PRDM16: variants seen among roughly 807,000 people sequenced by gnomAD.
PRDM16 encodes histone-lysine N-methyltransferase PRDM16.
In PRDM16, 23 loss-of-function variants were observed where a neutral mutation model predicts 110.6. The observed-to-expected ratio is 0.21, with a 90% CI of 0.15 to 0.29. PRDM16 has a LOEUF of 0.29. Among genes scored for constraint, PRDM16 ranks in the 10% least tolerant of loss-of-function variants. The pLI, the probability that PRDM16 is intolerant of heterozygous loss-of-function variation, is 1.00. For missense variants in PRDM16, 1,615 were observed against 1,794.3 expected, an observed-to-expected ratio of 0.90 and a Z score of 1.81; for synonymous variants, 799 against 781.8, an observed-to-expected ratio of 1.02 and a Z score of -0.37.
rs945338464 is a variant in PRDM16 at position 3,088,251 on chromosome 1, G to A, written c.37+18955G>A. Among the ~76,000 whole-genome samples the A allele has an allele frequency of 1.7e-4, 26 of 152,034 alleles. 1 individual carries two copies. The highest frequency in any genetic ancestry group is 6.8e-3 in the Middle Eastern group (2 of 294). ...GCAGTTGCATTCAATCAGGGAGCTG[G>A]GGACCGGAGTCACTGGGCACAGTCT... On this transcript the variant is annotated intron_variant, in intron 1 of 16. Transcript: ENST00000270722.
At chr1:3,292,790 A>C (rs1286756739) in intron 3 of PRDM16, among the ~76,000 whole-genome samples, 2 of 152,240 alleles carry the variant, frequency 1.3e-5, no homozygotes, top group African/African-American at 4.8e-5. Flanking sequence ...CCACCAGCAC[A>C]TCGGTGGGGG....
In PRDM16 at chr1:3,175,526, A is replaced by T. The variant is rs1405313214; in HGVS notation, c.38-10599A>T. On this transcript the variant is annotated intron_variant, in intron 1 of 16. Coordinates refer to ENST00000270722, the MANE Select transcript of PRDM16 (RefSeq NM_022114.4). The surrounding 1 kb of genome is among the most constrained non-coding windows in gnomAD (Gnocchi z 4.8). ...CTCATAGGCACCCAGTTGGGGGAAC[A>T]TTCTCCAGGTCTCTGACCCACTACA... 6.6e-6 allele frequency among the ~76,000 whole-genome samples: 1 copy of T among 152,042 alleles called. No homozygotes were observed. Among genetic ancestry groups the T allele is most frequent in the Non-Finnish European group, 1.5e-5 (1 of 68,000 alleles).
intron 12 of PRDM16, among the ~76,000 whole-genome samples, chr1:3,422,827 G>T (rs1638476853): frequency 6.6e-6 from 1 of 152,256 alleles, no homozygotes; most frequent in Non-Finnish European, 1.5e-5. Flanking sequence ...GCCAGTCCAA[G>T]CCAGGGCGCT....
At chr1:3,277,777 G>GCA (rs1557576457) in intron 3 of PRDM16, among the ~76,000 whole-genome samples, 1 of 97,012 alleles carries the variant, frequency 1.0e-5, no homozygotes, top group African/African-American at 9.3e-5. Context: ...GCACACACAC[G>GCA]CACACATATG....
chr1:3,148,178 C>T lies in PRDM16; in HGVS notation c.38-37947C>T, dbSNP rs1557484246. On this transcript the variant is annotated intron_variant, in intron 1 of 16. Transcript: ENST00000270722. The surrounding 1 kb of genome is among the most constrained non-coding windows in gnomAD (Gnocchi z 5.0). ...GGCTGGGCTGAGAGGTGGGAAGGAG[C>T]CCCCGGATGAGTGAAGAAGCTGGGT... Among the ~76,000 whole-genome samples, 1 of 151,898 alleles carries T rather than the reference C, an allele frequency of 6.6e-6. No homozygotes were observed. The highest frequency in any genetic ancestry group is 1.5e-5 in the Non-Finnish European group (1 of 67,958).
At chr1:3,161,991 G>C (rs1643901711) in intron 1 of PRDM16, among the ~76,000 whole-genome samples, 1 of 152,216 alleles carries the variant, frequency 6.6e-6, no homozygotes, top group Admixed American at 6.5e-5. Context: ...CGTCGCCAGG[G>C]TGGCTCGGCC....
intron 3 of PRDM16, among the ~76,000 whole-genome samples, chr1:3,352,915 G>A (rs1642522428): frequency 6.6e-6 from 1 of 152,192 alleles, no homozygotes; most frequent in Non-Finnish European, 1.5e-5. Flanking sequence ...GTCCCACGTC[G>A]GGGAGGGGGC....
At position 3,415,865 on chromosome 1, in the gene PRDM16, C is replaced by T. The variant is rs545491037; in HGVS notation, c.2691+1218C>T. On this transcript the variant is annotated intron_variant, in intron 10 of 16. Coordinates refer to ENST00000270722, the MANE Select transcript of PRDM16 (RefSeq NM_022114.4). ...TGGGCTGTCACTTGGGCAGAAGGCGCCAGTTACTAAAGACCTCGACAAAGC... is the reference window on the plus strand; with the variant it reads ...TGGGCTGTCACTTGGGCAGAAGGCGTCAGTTACTAAAGACCTCGACAAAGC... 2.0e-5 allele frequency among the ~76,000 whole-genome samples: 3 copies of T among 152,350 alleles called. No individual in the cohort carries two copies. The South Asian group carries it at 6.2e-4, about 32-fold the overall frequency.
At chr1:3,431,473 C>T in intron 15 of PRDM16, among the ~76,000 whole-genome samples, 1 of 152,240 alleles carries the variant, frequency 6.6e-6, no homozygotes, top group Admixed American at 6.5e-5. Context: ...GGCCAAGCAC[C>T]CACCATTCTG....
At position 3,402,958 on chromosome 1, in the gene PRDM16, G is replaced by C. The variant is rs187351394; in HGVS notation, c.844G>C (p.Glu282Gln). 2 of 1,612,388 alleles carry C rather than the reference G, an allele frequency of 1.2e-6. No homozygotes were observed. Among genetic ancestry groups the C allele is most frequent in the Non-Finnish European group, 1.7e-6 (2 of 1,179,894 alleles). ...TGGCGGTGGCAGCGGCCAAGCCCAC[G>C]AGTGCAAGGACTGCGAGCGGATGTT... Reference protein sequence around the residue: ...GLGGGSGQAHECKDCERMFPN... With the variant: ...GLGGGSGQAHQCKDCERMFPN... The change falls in exon 6 of 17, where the codon GAG becomes CAG. Residue 282 changes from glutamate to glutamine, a missense_variant. Transcript: ENST00000270722.
intron 4 of PRDM16, 68 bp from the exon 5 acceptor site, chr1:3,396,423 T>C (rs1411328718): frequency 8.2e-6 from 7 of 853,440 alleles, no homozygotes; most frequent in Non-Finnish European, 1.2e-5. Flanking sequence ...GGGCTGAGTG[T>C]GCACTGAGAG....
At chr1:3,087,992 T>G (rs1423000354) in intron 1 of PRDM16, among the ~76,000 whole-genome samples, 1 of 151,876 alleles carries the variant, frequency 6.6e-6, no homozygotes, top group Non-Finnish European at 1.5e-5. Flanking sequence ...TGGTGCCGCC[T>G]TCTTCTTGCC....
In PRDM16 at chr1:3,221,151, G is replaced by A. The variant is rs146843051; in HGVS notation, c.388-22936G>A. On this transcript the variant is annotated intron_variant, in intron 2 of 16. Transcript: ENST00000270722. ...GCCTTGGGACGTGTGCAACCTCACC[G>A]TGTGCAACTCAGCCTCAGCATTCGG... Among the ~76,000 whole-genome samples, 809 of 152,302 alleles carry A rather than the reference G, an allele frequency of 5.3e-3. 8 individuals are homozygous for A. Among genetic ancestry groups the A allele is most frequent in the African/African-American group, 0.018 (763 of 41,556 alleles).
intron 2 of PRDM16, among the ~76,000 whole-genome samples, chr1:3,225,908 C>T (rs1237909574): frequency 6.6e-6 from 1 of 152,232 alleles, no homozygotes; most frequent in Non-Finnish European, 1.5e-5. Flanking sequence ...AATGCAAGGC[C>T]ATCTTCTTTA....
At chr1:3,181,357 C>CACGCAGTCTT (rs1366052287) in intron 1 of PRDM16, among the ~76,000 whole-genome samples, 4 of 66,656 alleles carry the variant, frequency 6.0e-5, no homozygotes, top group Non-Finnish European at 9.8e-5. Flanking sequence ...CGGTCTTACA[C>CACGCAGTCTT]ACGGTCTTAC....
At chr1:3,188,381 A>T (rs1644296010) in intron 2 of PRDM16, among the ~76,000 whole-genome samples, 1 of 151,430 alleles carries the variant, frequency 6.6e-6, no homozygotes, top group South Asian at 2.1e-4. Flanking sequence ...CTTTTTTTTT[A>T]AAGAAATGGC....
intron 1 of PRDM16, among the ~76,000 whole-genome samples, chr1:3,094,909 G>A (rs1015619254): frequency 7.9e-5 from 12 of 152,308 alleles, no homozygotes; most frequent in African/African-American, 2.2e-4. Context: ...CTTTTCCGAC[G>A]TGGATGGAGC....
intron 1 of PRDM16, among the ~76,000 whole-genome samples, chr1:3,145,610 G>A (rs1432447055): frequency 1.3e-5 from 2 of 152,162 alleles, no homozygotes; most frequent in Non-Finnish European, 2.9e-5. Context: ...CAGCAGAACA[G>A]AGCCATGAGC....
At chr1:3,237,273 C>T (rs1639560013) in intron 2 of PRDM16, among the ~76,000 whole-genome samples, 1 of 152,092 alleles carries the variant, frequency 6.6e-6, no homozygotes, top group African/African-American at 2.4e-5. Flanking sequence ...CCCCAGGGCT[C>T]CTCCGTCTCT....
Sources: allele counts gnomAD v4.1 joint callset (sites outside exome capture counted in the v4.1 genomes callset), GRCh38; gene constraint gnomAD v4.1.1; non-coding constraint Gnocchi (gnomAD v3.1); transcripts MANE v1.5; gene names NCBI Gene and HGNC (gene_info 2026-07-23, HGNC 2026-07-21).